BTD: variants seen among roughly 807,000 people sequenced by gnomAD.
BTD encodes biotinidase, also known as biocytinase.
In BTD, 13 loss-of-function variants were observed where a neutral mutation model predicts 17.7. That is an observed-to-expected ratio of 0.74 (90% CI 0.48 to 1.17). The LOEUF is 1.17. Ranked by LOEUF, BTD falls within the 50% of genes most tolerant of loss-of-function variation. The pLI is 0.00. For synonymous variants in BTD, 240 were observed against 245.2 expected, an observed-to-expected ratio of 0.98 and a Z score of 0.20; for missense variants, 674 against 650.4, an observed-to-expected ratio of 1.04 and a Z score of -0.39.
At chr3:15,690,693 T>G (rs1308400974) in intron 3 of BTD, among the ~76,000 whole-genome samples, 9 of 152,136 alleles carry the variant, frequency 5.9e-5, no homozygotes, top group Non-Finnish European at 4.4e-5. Flanking sequence ...GCCTCCTGAG[T>G]AGCAGGGACC....
Position 15,696,620 on chromosome 3 carries a change from T to C in BTD, c.400-13440T>C, listed in dbSNP as rs551960607. Among the ~76,000 whole-genome samples, 36 of 152,216 alleles carry C rather than the reference T, an allele frequency of 2.4e-4. 1 individual carries two copies. In the South Asian group the frequency reaches 7.3e-3, roughly 31 times the overall value. On this transcript the variant is annotated intron_variant, in intron 3 of 3. Transcript: ENST00000672141. ...TACATAATATTGGCAATATTACTAT[T>C]TATCTATCTAGAACACAGAATGAGT...
At chr3:15,643,440 G>T (rs2065590918) in intron 3 of BTD, among the ~76,000 whole-genome samples, 1 of 152,104 alleles carries the variant, frequency 6.6e-6, no homozygotes, top group South Asian at 2.1e-4. Context: ...GGCGGAAGTT[G>T]CAGTGAGCCA....
At chr3:15,625,016 A>C (rs182032396) in intron 1 of BTD, among the ~76,000 whole-genome samples, 3 of 152,244 alleles carry the variant, frequency 2.0e-5, no homozygotes, top group Admixed American at 6.5e-5. Flanking sequence ...GAGCCACCGC[A>C]CCTGGCCTAA....
rs1358435619 is a variant in BTD, at chr3:15,646,211, CGG to C, written c.*727_*728del. Reference sequence around the variant, plus strand: ...CGGGTGGGGACTGGAAATGTTGAGACGGGGGCAGCCATGGGAAGGTATGAGTA... The same window carrying C: ...CGGGTGGGGACTGGAAATGTTGAGACGGGCAGCCATGGGAAGGTATGAGTA... On this transcript the variant is annotated 3_prime_UTR_variant, in exon 4 of 4. Coordinates refer to ENST00000643237, the MANE Select transcript of BTD (RefSeq NM_001370658.1). The C allele has an allele frequency of 6.6e-6, 1 of 152,172 alleles. No homozygotes were observed. The highest frequency in any genetic ancestry group is 1.5e-5 in the Non-Finnish European group (1 of 68,064). The allele number at this position is 152,172 out of a possible 1,614,324, so 9.4% of individuals were successfully genotyped here.
At chr3:15,622,604 C>G (rs1186044728) in intron 1 of BTD, among the ~76,000 whole-genome samples, 1 of 152,186 alleles carries the variant, frequency 6.6e-6, no homozygotes, top group Non-Finnish European at 1.5e-5. Context: ...TATGTCCTTA[C>G]TGATTTTCTG....
At chr3:15,630,372 G>A (rs976955831) in intron 1 of BTD, among the ~76,000 whole-genome samples, 2 of 152,164 alleles carry the variant, frequency 1.3e-5, no homozygotes, top group Admixed American at 6.5e-5. Flanking sequence ...AGTCTCAGCC[G>A]GGGTTCCTTC....
intron 1 of BTD, among the ~76,000 whole-genome samples, chr3:15,608,762 C>G (rs1375912483): frequency 7.0e-6 from 1 of 142,702 alleles, no homozygotes; most frequent in Non-Finnish European, 1.5e-5. Flanking sequence ...GAGACTCCGT[C>G]TCAAAAAAAA....
chr3:15,675,314 G>A (rs1430625270), intron 3 of BTD, among the ~76,000 whole-genome samples: 1 of 152,162 alleles, frequency 6.6e-6, no homozygotes, highest in African/African-American at 2.4e-5. Flanking sequence ...GGAAGAATGA[G>A]AGGAATAACT....
At chr3:15,675,816 AT>A (rs1559311485) in intron 3 of BTD, 15 of 1,211,938 alleles carry the variant, frequency 1.2e-5, no homozygotes, top group Middle Eastern at 2.0e-4. Context: ...CCAATAAAAA[AT>A]ATCCAAGTTT....
chr3:15,653,317 ATC>A lies in BTD; in HGVS notation c.*7830_*7831del. Among the ~76,000 whole-genome samples, 1 of 152,384 alleles carries A rather than the reference ATC, an allele frequency of 6.6e-6. No individual in the cohort carries two copies. The highest frequency in any genetic ancestry group is 1.9e-4 in the East Asian group (1 of 5,194). On this transcript the variant is annotated 3_prime_UTR_variant, in exon 4 of 4. Coordinates refer to ENST00000643237, the MANE Select transcript of BTD (RefSeq NM_001370658.1). ...TACCAAAGCAGGTGCACGGGTCTTA[ATC>A]ATCACCTCAGTCCTCTGAAACAGGC...
chr3:15,712,128 G>T (rs768702535), exon 4 of BTD: 6 of 1,561,738 alleles, frequency 3.8e-6, no homozygotes, highest in Middle Eastern at 1.7e-4. Context: ...AGGCTGCAAA[G>T]GTTACACTTA....
intron 1 of BTD, among the ~76,000 whole-genome samples, chr3:15,610,186 A>G (rs1238233627): frequency 6.6e-6 from 1 of 152,220 alleles, no homozygotes; most frequent in Non-Finnish European, 1.5e-5. Flanking sequence ...GTCAGTTGCC[A>G]GTGAACTGAG....
chr3:15,712,070 G>A, exon 4 of BTD: 1 of 1,186,066 alleles, frequency 8.4e-7, no homozygotes, highest in Non-Finnish European at 1.2e-6. Context: ...TTAAAAAGCA[G>A]GATAGAGACC....
Position 15,645,185 on chromosome 3 carries a change from T to A in BTD, c.1269T>A (p.Phe423Leu). 6.2e-7 allele frequency: 1 copy of A among 1,614,176 alleles called. No homozygotes were observed. The highest frequency in any genetic ancestry group is 8.5e-7 in the Non-Finnish European group (1 of 1,180,024). Reference sequence around the variant, plus strand: ...AAGAGCTGTATGCCCTGGGGGTCTTTGATGGGCTTCACACAGTACATGGCA... The same window carrying A: ...AAGAGCTGTATGCCCTGGGGGTCTTAGATGGGCTTCACACAGTACATGGCA... ...LSKELYALGV[F>L]DGLHTVHGTY... The change falls in exon 4 of 4, where the codon TTT (phenylalanine) becomes TTA (leucine). Residue 423 changes from phenylalanine (F) to leucine (L), a missense_variant. Phe to Leu is a conservative substitution (Grantham distance 22). Coordinates refer to ENST00000643237, the MANE Select transcript of BTD (RefSeq NM_001370658.1).
intron 3 of BTD, chr3:15,689,892 A>T: frequency 1.3e-6 from 1 of 799,058 alleles, no homozygotes. Context: ...CAAATAATCC[A>T]TATATGATTT....
In BTD at chr3:15,648,408, C is replaced by T. The variant is rs2065742145; in HGVS notation, c.*2920C>T. 6.6e-6 allele frequency among the ~76,000 whole-genome samples: 1 copy of T among 152,188 alleles called. No homozygotes were observed. Among genetic ancestry groups the T allele is most frequent in the Admixed American group, 6.5e-5 (1 of 15,276 alleles). ...TCAGGCCAGAGAAAGGTCCTGGTCT[C>T]CTGGCTTCAGTCTTTCATTCCCTAA... On this transcript the variant is annotated 3_prime_UTR_variant, in exon 4 of 4. Coordinates refer to ENST00000643237, the MANE Select transcript of BTD (RefSeq NM_001370658.1).
At chr3:15,663,574 T>C (rs2065947501) in intron 3 of BTD, among the ~76,000 whole-genome samples, 1 of 152,196 alleles carries the variant, frequency 6.6e-6, no homozygotes, top group Non-Finnish European at 1.5e-5. Flanking sequence ...TCTTTTAAGA[T>C]CCATCCAGGT....
intron 3 of BTD, chr3:15,670,365 T>G (rs1428524127): frequency 1.2e-6 from 2 of 1,613,864 alleles, no homozygotes; most frequent in Non-Finnish European, 1.7e-6. Context: ...CAATAGGAGC[T>G]AGGTTCATTC....
At chr3:15,710,831 CT>C (rs1223326297) in exon 4 of BTD, among the ~76,000 whole-genome samples, 1 of 151,634 alleles carries the variant, frequency 6.6e-6, no homozygotes, top group Non-Finnish European at 1.5e-5. Flanking sequence ...CATTTTTTTC[CT>C]GGGGGAAAAA....
Sources: gnomAD v4.1 joint callset for allele counts (sites outside exome capture counted in the v4.1 genomes callset) on GRCh38, gnomAD v4.1.1 for gene constraint, MANE v1.5 for transcripts, NCBI Gene and HGNC (gene_info 2026-07-23, HGNC 2026-07-21) for gene names.